The following NEK11 variants were observed in gnomAD, a reference collection of about 807,000 sequenced individuals.
NEK11 encodes serine/threonine-protein kinase Nek11.
NEK11 carries 72 observed loss-of-function variants against 80.7 expected under a neutral mutation model. The ratio of observed to expected loss-of-function variants is 0.89; its 90% CI spans 0.74 to 1.08. NEK11 has a LOEUF of 1.08. NEK11 is among the 50% of genes least tolerant of loss of function. The pLI is 0.00. For missense variants in NEK11, 764 were observed against 763.6 expected (o/e 1.00, Z -0.01); for synonymous variants, 251 against 260.7 (o/e 0.96, Z 0.36).
intron 7 of NEK11, among the ~76,000 whole-genome samples, chr3:131,150,208 C>T (rs2149789889): frequency 6.6e-6 from 1 of 151,926 alleles, no homozygotes; most frequent in Middle Eastern, 3.4e-3. Context: ...GATTTCAGTC[C>T]TTAAAATCTG....
At chr3:131,235,942 G>A (rs1376678884) in intron 15 of NEK11, among the ~76,000 whole-genome samples, 3 of 152,116 alleles carry the variant, frequency 2.0e-5, no homozygotes, top group Non-Finnish European at 2.9e-5. Context: ...CAGCTCCAAA[G>A]TGTGTGAAAA....
intron 16 of NEK11, among the ~76,000 whole-genome samples, chr3:131,251,965 C>T (rs1374425433): frequency 1.3e-5 from 2 of 152,064 alleles, no homozygotes; most frequent in African/African-American, 4.8e-5. Context: ...TTCAGGACTG[C>T]AAGAACTTCC....
chr3:131,171,342 G>C (rs1359913925), intron 14 of NEK11, among the ~76,000 whole-genome samples: 2 of 152,206 alleles, frequency 1.3e-5, no homozygotes, highest in Non-Finnish European at 2.9e-5. Context: ...AATACAAAGG[G>C]AGGCCTGTAG....
chr3:131,034,922 ACTAT>A (rs947577894), intron 3 of NEK11, among the ~76,000 whole-genome samples: 1 of 152,218 alleles, frequency 6.6e-6, no homozygotes, highest in African/African-American at 2.4e-5. Flanking sequence ...GTTTCTGTGT[ACTAT>A]CTAACTTATG....
intron 3 of NEK11, among the ~76,000 whole-genome samples, chr3:131,070,410 C>T (rs2073058639): frequency 1.3e-5 from 2 of 152,080 alleles, no homozygotes; most frequent in African/African-American, 2.4e-5. Context: ...ATGTAGACTT[C>T]ACCACCTTGT....
chr3:131,067,041 A>G (rs1318364937), intron 3 of NEK11, among the ~76,000 whole-genome samples: 1 of 152,148 alleles, frequency 6.6e-6, no homozygotes, highest in Non-Finnish European at 1.5e-5. Flanking sequence ...GGCGCTTACT[A>G]TTGCCATAAT....
intron 14 of NEK11, among the ~76,000 whole-genome samples, chr3:131,191,323 T>C (rs777757091): frequency 1.3e-5 from 2 of 152,174 alleles, no homozygotes; most frequent in Non-Finnish European, 2.9e-5. Flanking sequence ...CCTGCATTCC[T>C]TCTGGAGGCT....
chr3:131,039,568 C>T (rs745806737), intron 3 of NEK11, among the ~76,000 whole-genome samples: 10 of 152,104 alleles, frequency 6.6e-5, no homozygotes, highest in Non-Finnish European at 1.3e-4. Flanking sequence ...CCTTCTAAAC[C>T]GATCTGGTTC....
intron 14 of NEK11, chr3:131,184,770 G>T: frequency 8.4e-7 from 1 of 1,186,508 alleles, no homozygotes; most frequent in South Asian, 2.0e-5. Context: ...CTGAAATAAG[G>T]AAATAGAATC....
chr3:131,314,411 A>T (rs2096815208), intron 17 of NEK11, among the ~76,000 whole-genome samples: 1 of 152,224 alleles, frequency 6.6e-6, no homozygotes, highest in Non-Finnish European at 1.5e-5. Context: ...AATGTTACAT[A>T]TTGAAAAGGA....
intron 7 of NEK11, among the ~76,000 whole-genome samples, chr3:131,147,300 C>G (rs1480113484): frequency 1.3e-5 from 2 of 151,726 alleles, no homozygotes; most frequent in Non-Finnish European, 2.9e-5. Flanking sequence ...TTCAATTGGC[C>G]CAGCATAATT....
intron 3 of NEK11, among the ~76,000 whole-genome samples, chr3:131,075,166 T>C (rs111516955): frequency 5.9e-5 from 9 of 152,284 alleles, no homozygotes; most frequent in African/African-American, 1.9e-4. Context: ...GTACGTAGAA[T>C]GGACAAGATG....
chr3:131,174,144 T>C (rs1041582227), intron 14 of NEK11, among the ~76,000 whole-genome samples: 3 of 152,172 alleles, frequency 2.0e-5, no homozygotes, highest in Non-Finnish European at 4.4e-5. Flanking sequence ...GTCTTTGCTA[T>C]TGTGAATAGT....
chr3:131,239,858 T>A (rs1488095325), intron 15 of NEK11, among the ~76,000 whole-genome samples: 2 of 151,720 alleles, frequency 1.3e-5, no homozygotes, highest in Non-Finnish European at 2.9e-5. Flanking sequence ...ACAGTCACAA[T>A]TCATTTGTTA....
At chr3:131,315,950 C>T (rs1439337909) in intron 17 of NEK11, among the ~76,000 whole-genome samples, 1 of 152,052 alleles carries the variant, frequency 6.6e-6, no homozygotes, top group Non-Finnish European at 1.5e-5. Context: ...TTTATCCAGT[C>T]TGTTATTGAT....
intron 14 of NEK11, among the ~76,000 whole-genome samples, chr3:131,226,001 A>G (rs1375024349): frequency 6.6e-6 from 1 of 152,228 alleles, no homozygotes; most frequent in Non-Finnish European, 1.5e-5. Flanking sequence ...AGATAAAGAA[A>G]AAATGGGAGA....
chr3:131,289,582 G>A (rs1005371901), intron 17 of NEK11, among the ~76,000 whole-genome samples: 18 of 152,140 alleles, frequency 1.2e-4, no homozygotes, highest in Non-Finnish European at 2.5e-4. Flanking sequence ...GGTGACTGAC[G>A]GGATTTGGTT....
intron 14 of NEK11, among the ~76,000 whole-genome samples, chr3:131,201,025 C>T (rs2094206002): frequency 6.6e-6 from 1 of 151,920 alleles, no homozygotes; most frequent in African/African-American, 2.4e-5. Context: ...TGCTCTATAG[C>T]AATAAAAGTA....
At chr3:131,199,234 T>C (rs2094140564) in intron 14 of NEK11, among the ~76,000 whole-genome samples, 2 of 152,156 alleles carry the variant, frequency 1.3e-5, no homozygotes, top group Admixed American at 1.3e-4. Context: ...AAATATATGT[T>C]CTACCTACCC....
Sources: gnomAD v4.1 joint callset for allele counts (sites outside exome capture counted in the v4.1 genomes callset) on GRCh38, gnomAD v4.1.1 for gene constraint, MANE v1.5 for transcripts, NCBI Gene and HGNC (gene_info 2026-07-23, HGNC 2026-07-21) for gene names.